RP2: variants seen among roughly 807,000 people sequenced by gnomAD.
RP2 encodes the protein RP2 activator of ARL3 GTPase.
RP2 carries 3 observed loss-of-function variants against 20.3 expected under a neutral mutation model. That is an observed-to-expected ratio of 0.15 (90% CI 0.07 to 0.38). RP2 has a LOEUF of 0.38. Ranked by LOEUF, RP2 falls within the 10% of genes least tolerant of loss-of-function variation. The pLI is 1.00. For missense variants in RP2, 233 were observed against 268.5 expected (o/e 0.87, Z 0.92); for synonymous variants, 75 against 94.8 (o/e 0.79, Z 1.22).
chrX:46,837,349 T>G, intron 1 of RP2, 147 bp downstream of exon 1: 1 of 632,214 alleles, frequency 1.6e-6, no homozygotes, highest in Non-Finnish European at 2.6e-6. Flanking sequence ...ACGACTTTTT[T>G]GGGGAGCGGG....
rs781993913 is a variant in RP2 at position 46,837,981 on chromosome X, C to T, written c.102+779C>T. On this transcript the variant is annotated intron_variant, in intron 1 of 4. Coordinates refer to ENST00000218340, the MANE Select transcript of RP2 (RefSeq NM_006915.3). ...CTCCATTAGTCTTACACAAAACACA[C>T]TCGGTCATACATTTCATAATAGTTC... Among the ~76,000 whole-genome samples the T allele has an allele frequency of 1.2e-4, 14 of 112,326 alleles. No individual in the cohort carries two copies. In the East Asian group the frequency reaches 3.6e-3, roughly 29 times the overall value.
At chrX:46,839,032 A>G (rs1924565857) in intron 1 of RP2, among the ~76,000 whole-genome samples, 2 of 111,879 alleles carry the variant, frequency 1.8e-5, no homozygotes, top group Non-Finnish European at 3.8e-5. Context: ...AACTCAGCCA[A>G]TCAAAATGAG....
intron 3 of RP2, among the ~76,000 whole-genome samples, chrX:46,872,123 A>G (rs1327138575): frequency 2.7e-5 from 3 of 111,834 alleles, no homozygotes; most frequent in Admixed American, 9.5e-5. Flanking sequence ...GTCTTTCTTT[A>G]TCTCTGATAA....
intron 4 of RP2, among the ~76,000 whole-genome samples, chrX:46,878,829 A>C (rs1325994789): frequency 9.0e-6 from 1 of 111,074 alleles, no homozygotes; most frequent in East Asian, 2.8e-4. Context: ...TAAAGCTAGA[A>C]TAGAACCCAC....
At chrX:46,860,445 C>T (rs1251183128) in intron 3 of RP2, among the ~76,000 whole-genome samples, 1 of 111,757 alleles carries the variant, frequency 8.9e-6, no homozygotes, top group Non-Finnish European at 1.9e-5. Context: ...TTGCAAAGCA[C>T]TTGATGAAGA....
chrX:46,862,617 G>A (rs1252271160), intron 3 of RP2, among the ~76,000 whole-genome samples: 3 of 110,362 alleles, frequency 2.7e-5, no homozygotes, highest in Non-Finnish European at 3.8e-5. Context: ...CCAAGATCGC[G>A]CCACTGCACT....
At chrX:46,847,073 G>A (rs1556316317) in intron 1 of RP2, among the ~76,000 whole-genome samples, 1 of 110,758 alleles carries the variant, frequency 9.0e-6, no homozygotes, top group Non-Finnish European at 1.9e-5. Flanking sequence ...GGTGTGTAGT[G>A]ATGTTTCATT....
intron 1 of RP2, among the ~76,000 whole-genome samples, chrX:46,849,060 C>T (rs1556317678): frequency 1.8e-5 from 2 of 110,940 alleles, no homozygotes; most frequent in South Asian, 7.6e-4. Context: ...AAACTAAACT[C>T]ACTTCATAAG....
At chrX:46,878,244 G>A (rs1322469573) in intron 4 of RP2, among the ~76,000 whole-genome samples, 2 of 108,784 alleles carry the variant, frequency 1.8e-5, no homozygotes, top group Non-Finnish European at 3.8e-5. Context: ...GGGCGTAGTG[G>A]CGGGCGCCTG....
intron 3 of RP2, among the ~76,000 whole-genome samples, chrX:46,871,798 C>G (rs190506093): frequency 2.1e-4 from 23 of 112,165 alleles, no homozygotes; most frequent in Non-Finnish European, 4.3e-4. Flanking sequence ...AGTGTTGAAG[C>G]CTCCAACTGT....
In RP2 at chrX:46,875,494, A is replaced by G. The variant is rs1246829030; in HGVS notation, c.884-2011A>G. On this transcript the variant is annotated intron_variant, in intron 3 of 4. Transcript: ENST00000218340. ...GTGAATTGGTGCCCTAGCAACCTCC[A>G]TTGGTATACAGTGAATTTTGTTTCT... is the stretch of plus-strand genomic sequence containing the variant. 3.6e-5 allele frequency among the ~76,000 whole-genome samples: 4 copies of G among 110,792 alleles called. No individual in the cohort carries two copies. The East Asian group carries it at 8.4e-4, about 23-fold the overall frequency.
Position 46,881,316 on chromosome X carries a change from G to T in RP2, c.*1547G>T, listed in dbSNP as rs1332047690. The T allele has an allele frequency of 9.0e-6, 1 of 111,153 alleles. No individual in the cohort carries two copies. Among genetic ancestry groups the T allele is most frequent in the Non-Finnish European group, 1.9e-5 (1 of 52,976 alleles). The allele number at this position is 111,153 out of a possible 1,213,427, so 9.2% of individuals were successfully genotyped here. A position where few individuals can be genotyped will look rare whatever the true frequency, so the allele number is the denominator to read the frequency against. On this transcript the variant is annotated 3_prime_UTR_variant, in exon 5 of 5. Transcript: ENST00000218340. ...GCATTCAATACTACAAAATCAACAT[G>T]ATTTCATAAGGTGCAAATAAAAGTT...
rs371935908 is a variant in RP2, at chrX:46,853,541, G to A, written c.168G>A (p.Thr56=). The A allele has an allele frequency of 3.3e-6, 4 of 1,210,768 alleles. No homozygotes were observed. Among genetic ancestry groups the A allele is most frequent in the African/African-American group, 1.7e-5 (1 of 57,695 alleles). The change falls in exon 2 of 5, where the codon ACG becomes ACA. Residue 56 remains threonine, a synonymous_variant. Transcript: ENST00000218340. ...KDETVGRLPG[T]VAGQQFLIQD... is the part of the protein sequence containing the mutation. ...AAACAGTAGGTCGCTTACCTGGGAC[G>A]GTAGCAGGACAACAGTTTCTCATTC...
intron 1 of RP2, among the ~76,000 whole-genome samples, chrX:46,851,886 G>A (rs782245023): frequency 9.0e-6 from 1 of 111,465 alleles, no homozygotes; most frequent in Non-Finnish European, 1.9e-5. Flanking sequence ...GTAACACAGT[G>A]AAACCCCATC....
rs189094401 is a variant in RP2 at position 46,862,985 on chromosome X, C to T, written c.883+2883C>T. 6.3e-4 allele frequency among the ~76,000 whole-genome samples: 71 copies of T among 112,128 alleles called. 1 individual carries two copies. Among genetic ancestry groups the T allele is most frequent in the Admixed American group, 9.5e-4 (10 of 10,539 alleles). On this transcript the variant is annotated intron_variant, in intron 3 of 4. Coordinates refer to ENST00000218340, the MANE Select transcript of RP2 (RefSeq NM_006915.3). ...AGACAAATCCAAAATAGAAGACATT[C>T]TACAAGACAACTGGCTAGGTCTCTT...
chrX:46,854,380 G>A (rs1456874562), intron 2 of RP2, among the ~76,000 whole-genome samples: 1 of 111,419 alleles, frequency 9.0e-6, no homozygotes, highest in Non-Finnish European at 1.9e-5. Flanking sequence ...TTAAGCATTT[G>A]TTTGTAAGTA....
chrX:46,847,746 G>A (rs782185155), intron 1 of RP2, among the ~76,000 whole-genome samples: 7 of 79,223 alleles, frequency 8.8e-5, no homozygotes, highest in African/African-American at 1.2e-4. Flanking sequence ...ACACACATAT[G>A]TGTGTGTGTA....
At chrX:46,843,922 C>T (rs1452959915) in intron 1 of RP2, among the ~76,000 whole-genome samples, 3 of 110,850 alleles carry the variant, frequency 2.7e-5, no homozygotes, top group Non-Finnish European at 5.7e-5. Flanking sequence ...GATCCTCCCA[C>T]CTCGGCCTCC....
chrX:46,873,379 A>G (rs1556327111), intron 3 of RP2, among the ~76,000 whole-genome samples: 1 of 112,260 alleles, frequency 8.9e-6, no homozygotes, highest in Non-Finnish European at 1.9e-5. Context: ...TCATATTAAA[A>G]CACTAAAAAC....
Sources: gnomAD v4.1 joint callset for allele counts (sites outside exome capture counted in the v4.1 genomes callset) on GRCh38, gnomAD v4.1.1 for gene constraint, MANE v1.5 for transcripts, NCBI Gene and HGNC (gene_info 2026-07-23, HGNC 2026-07-21) for gene names.